The following TRAPPC9 variants were observed in gnomAD, a reference collection of about 807,000 sequenced individuals.
The protein encoded by TRAPPC9 is IKK2 binding protein.
TRAPPC9 carries 83 observed loss-of-function variants against 124.0 expected under a neutral mutation model. That is an observed-to-expected ratio of 0.67 (90% CI 0.56 to 0.80). The LOEUF (loss-of-function observed/expected upper bound fraction) is 0.80. Ranked by LOEUF, TRAPPC9 falls within the 30% of genes least tolerant of loss-of-function variation. The pLI, the probability that TRAPPC9 is intolerant of heterozygous loss-of-function variation, is 0.00. For synonymous variants in TRAPPC9, 638 were observed against 617.5 expected, an observed-to-expected ratio of 1.03 and a Z score of -0.49; for missense variants, 1,302 against 1,508.3, an observed-to-expected ratio of 0.86 and a Z score of 2.27.
At chr8:140,305,080 A>G (rs2066086414) in intron 10 of TRAPPC9, among the ~76,000 whole-genome samples, 1 of 152,186 alleles carries the variant, frequency 6.6e-6, no homozygotes, top group Non-Finnish European at 1.5e-5. Flanking sequence ...CACTGCTGGG[A>G]AGAGATGCAT....
intron 7 of TRAPPC9, among the ~76,000 whole-genome samples, chr8:140,377,027 A>G (rs1011787934): frequency 6.6e-6 from 1 of 152,158 alleles, no homozygotes; most frequent in Non-Finnish European, 1.5e-5. Context: ...GACACTTTGT[A>G]AACAGTCAGT....
At position 140,070,673 on chromosome 8, in the gene TRAPPC9, G is replaced by A. The variant is rs549960360; in HGVS notation, c.2557-46594C>T. 6.6e-5 allele frequency among the ~76,000 whole-genome samples: 10 copies of A among 152,190 alleles called. No homozygotes were observed. In the East Asian group the frequency reaches 1.5e-3, roughly 24 times the overall value. Reference sequence around the variant, plus strand: ...AGAGTGTGGCAGGTTCTCAAAACACGCCAAAAACTGGCTCAGAAAGATCAG... The same window carrying A: ...AGAGTGTGGCAGGTTCTCAAAACACACCAAAAACTGGCTCAGAAAGATCAG... On this transcript the variant is annotated intron_variant, in intron 17 of 22. Coordinates refer to ENST00000438773, the MANE Select transcript of TRAPPC9 (RefSeq NM_001160372.4).
At chr8:139,851,855 G>A (rs1047118592) in intron 21 of TRAPPC9, among the ~76,000 whole-genome samples, 1 of 152,198 alleles carries the variant, frequency 6.6e-6, no homozygotes, top group Non-Finnish European at 1.5e-5. Context: ...ATCTGGGTGG[G>A]CTCTGTGAGG....
intron 17 of TRAPPC9, among the ~76,000 whole-genome samples, chr8:140,084,173 A>T (rs928009787): frequency 2.6e-5 from 4 of 152,210 alleles, no homozygotes; most frequent in Non-Finnish European, 5.9e-5. Context: ...ACATACAATG[A>T]TTGAGGCTGG....
Position 139,988,801 on chromosome 8 carries a change from T to C in TRAPPC9, c.2735A>G (p.Asn912Ser). 6.4e-7 allele frequency: 1 copy of C among 1,551,304 alleles called. No individual in the cohort carries two copies. The highest frequency in any genetic ancestry group is 8.7e-7 in the Non-Finnish European group (1 of 1,146,912). Residue 912 changes from asparagine to serine, a missense_variant, in exon 19 of 23, where the codon AAC (asparagine) becomes AGC (serine). By Grantham distance (46) the Asn-to-Ser change is conservative. Coordinates refer to ENST00000438773, the MANE Select transcript of TRAPPC9 (RefSeq NM_001160372.4). ...GACGGTCAGCTCATGCTCGGTGGAG[T>C]TGAAGACATCCAGGAGCAGGTGACA... is the stretch of plus-strand genomic sequence containing the variant. ...RQCHLLLDVF[N>S]STEHELTVST...
chr8:139,868,102 T>C (rs1828665903), intron 21 of TRAPPC9, among the ~76,000 whole-genome samples: 1 of 152,218 alleles, frequency 6.6e-6, no homozygotes. Flanking sequence ...TTCATGCCTG[T>C]AATCCCAGCA....
chr8:140,338,033 C>T (rs538301753), intron 9 of TRAPPC9, among the ~76,000 whole-genome samples: 1 of 152,198 alleles, frequency 6.6e-6, no homozygotes, highest in South Asian at 2.1e-4. Flanking sequence ...TTATTTTATA[C>T]CAAGGAATAT....
rs2063851796 is a variant in TRAPPC9, at chr8:140,241,382, C to A, written c.2431+11395G>T. ...CACCACTGCACTCCAGCCTGGGAGA[C>A]AGAGTGAGACTCCATCTCAAAAATA... On this transcript the variant is annotated intron_variant, in intron 16 of 22. Coordinates refer to ENST00000438773, the MANE Select transcript of TRAPPC9 (RefSeq NM_001160372.4). The surrounding 1 kb of genome is among the most constrained non-coding windows in gnomAD (Gnocchi z 5.0). Among the ~76,000 whole-genome samples the A allele has an allele frequency of 6.6e-6, 1 of 150,684 alleles. No individual in the cohort carries two copies. Among genetic ancestry groups the A allele is most frequent in the Non-Finnish European group, 1.5e-5 (1 of 67,690 alleles).
intron 8 of TRAPPC9, among the ~76,000 whole-genome samples, chr8:140,365,318 C>G (rs373495694): frequency 6.6e-6 from 1 of 152,168 alleles, no homozygotes; most frequent in Non-Finnish European, 1.5e-5. Context: ...TGTGCTCCCA[C>G]CAGCTGTGCA....
rs2070771641 is a variant in TRAPPC9 at position 140,435,196 on chromosome 8, G to A, written c.775C>T (p.Pro259Ser). 2 of 1,613,980 alleles carry A rather than the reference G, an allele frequency of 1.2e-6. No homozygotes were observed. The highest frequency in any genetic ancestry group is 1.7e-6 in the Non-Finnish European group (2 of 1,179,974). The part of the protein sequence containing the change: ...LCSASVIYHY[P>S]GGTGGKSGAR... Reference sequence around the variant, plus strand: ...CCACTCTTCCCACCAGTTCCACCAGGATAGTGATAGATGACAGAAGCTGAA... The same window carrying A: ...CCACTCTTCCCACCAGTTCCACCAGAATAGTGATAGATGACAGAAGCTGAA... Residue 259 changes from proline (P) to serine (S), a missense_variant, in exon 4 of 23, where the codon CCT (proline) becomes TCT (serine). Physicochemically the swap from Pro to Ser is moderately conservative, Grantham distance 74 (BLOSUM62 -1). Around this residue, in one of 3 missense-constraint regions of TRAPPC9, gnomAD observed 657 missense variants for 811.2 expected, o/e 0.81. Coordinates refer to ENST00000438773, the MANE Select transcript of TRAPPC9 (RefSeq NM_001160372.4).
At chr8:140,073,075 G>A (rs564743875) in intron 17 of TRAPPC9, among the ~76,000 whole-genome samples, 146 of 152,272 alleles carry the variant, frequency 9.6e-4, no homozygotes, top group African/African-American at 3.3e-3. Flanking sequence ...GCACAGCACC[G>A]GAGCTCTTAC....
At chr8:139,932,157 G>A in intron 19 of TRAPPC9, 1 of 372,806 alleles carries the variant, frequency 2.7e-6, no homozygotes, top group Non-Finnish European at 5.3e-6. Context: ...TTGGTGCTCA[G>A]AAGCATTGAC....
At chr8:139,836,988 G>A (rs1441674796) in intron 21 of TRAPPC9, among the ~76,000 whole-genome samples, 3 of 57,476 alleles carry the variant, frequency 5.2e-5, no homozygotes, top group Non-Finnish European at 9.1e-5. Context: ...GGGGCCTAGC[G>A]ATCTGGGTTC....
intron 7 of TRAPPC9, among the ~76,000 whole-genome samples, chr8:140,387,713 A>C (rs1350494697): frequency 6.6e-6 from 1 of 152,228 alleles, no homozygotes; most frequent in Non-Finnish European, 1.5e-5. Context: ...ATCATTAAAA[A>C]GTCAGGAAAC....
At chr8:140,215,793 C>T (rs550127735) in intron 17 of TRAPPC9, 1 of 152,332 alleles carries the variant, frequency 6.6e-6, no homozygotes, top group East Asian at 1.9e-4. Flanking sequence ...CTGGGAATGT[C>T]AAGCACCCAA....
At chr8:140,371,838 A>T (rs187593705) in intron 7 of TRAPPC9, among the ~76,000 whole-genome samples, 5 of 152,200 alleles carry the variant, frequency 3.3e-5, no homozygotes, top group African/African-American at 1.2e-4. Context: ...AGTGTAGCTG[A>T]GATTACAAGC....
intron 18 of TRAPPC9, among the ~76,000 whole-genome samples, chr8:140,007,285 G>A (rs558860932): frequency 2.0e-5 from 3 of 152,266 alleles, no homozygotes; most frequent in African/African-American, 7.2e-5. Context: ...TCCGGGTGAC[G>A]GTAACCAGGT....
intron 17 of TRAPPC9, among the ~76,000 whole-genome samples, chr8:140,056,870 A>G (rs1398869654): frequency 6.6e-6 from 1 of 152,166 alleles, no homozygotes; most frequent in Non-Finnish European, 1.5e-5. Context: ...ACAGAGTGAA[A>G]AGGCAACCTA....
At chr8:139,967,839 T>A (rs772710128) in intron 19 of TRAPPC9, among the ~76,000 whole-genome samples, 1 of 151,982 alleles carries the variant, frequency 6.6e-6, no homozygotes, top group African/African-American at 2.4e-5. Flanking sequence ...TTTTTGTTTT[T>A]AAAAAAAACA....
Sources: allele counts gnomAD v4.1 joint callset (sites outside exome capture counted in the v4.1 genomes callset), GRCh38; gene constraint gnomAD v4.1.1; regional missense constraint gnomAD v4.1.1; non-coding constraint Gnocchi (gnomAD v3.1); transcripts MANE v1.5; gene names NCBI Gene and HGNC (gene_info 2026-07-23, HGNC 2026-07-21).